The following PHKB variants were observed in gnomAD, a reference collection of about 807,000 sequenced individuals.
The protein encoded by PHKB is phosphorylase b kinase regulatory subunit beta.
Under a neutral mutation model 152.1 loss-of-function variants are expected in PHKB, and 122 were observed. The ratio of observed to expected loss-of-function variants is 0.80; its 90% confidence interval spans 0.69 to 0.93. The LOEUF is 0.93. PHKB is among the 40% of genes least tolerant of loss of function. PHKB has a pLI of 0.00. For synonymous variants in PHKB, 436 were observed against 464.9 expected, an observed-to-expected ratio of 0.94 and a Z score of 0.80; for missense variants, 1,304 against 1,328.4, an observed-to-expected ratio of 0.98 and a Z score of 0.29.
chr16:47,626,602 A>T (rs1972714283), intron 14 of PHKB, among the ~76,000 whole-genome samples: 1 of 152,196 alleles, frequency 6.6e-6, no homozygotes, highest in Non-Finnish European at 1.5e-5. Flanking sequence ...AAGATGCAGC[A>T]GTCTGACTTA....
intron 1 of PHKB, among the ~76,000 whole-genome samples, chr16:47,484,806 G>A (rs906086302): frequency 2.0e-5 from 3 of 152,142 alleles, no homozygotes; most frequent in African/African-American, 7.2e-5. Context: ...TAAGTAGTTA[G>A]GCATTCAAAT....
At chr16:47,463,509 T>C in intron 1 of PHKB, 1 of 178,382 alleles carries the variant, frequency 5.6e-6, no homozygotes, top group Non-Finnish European at 1.2e-5. Context: ...TCAACTTGAT[T>C]CTGTTTGTTA....
chr16:47,492,835 T>G (rs1970172894), intron 1 of PHKB, among the ~76,000 whole-genome samples: 1 of 152,234 alleles, frequency 6.6e-6, no homozygotes, highest in African/African-American at 2.4e-5. Flanking sequence ...TCACCCTTTC[T>G]TAAGCCCCAC....
chr16:47,612,401 T>G (rs1400545094), intron 14 of PHKB, among the ~76,000 whole-genome samples: 4 of 152,192 alleles, frequency 2.6e-5, no homozygotes, highest in African/African-American at 9.7e-5. Flanking sequence ...AAACAGTTGT[T>G]TCATGCTTGA....
chr16:47,588,979 G>C lies in PHKB; in HGVS notation c.945G>C (p.Gln315His). 1 of 1,613,922 alleles carries C rather than the reference G, an allele frequency of 6.2e-7. No homozygotes were observed. Among genetic ancestry groups the C allele is most frequent in the Non-Finnish European group, 8.5e-7 (1 of 1,179,854 alleles). ...TGGATGATGAAGTTCTTTTTAGCCA[G>C]ACACTTGATAAAGTGGTTAGAAAAT... ...FALDDEVLFS[Q>H]TLDKVVRKLK... Residue 315 changes from glutamine to histidine, a missense_variant, in exon 10 of 31, where the codon CAG becomes CAC. Coordinates refer to ENST00000323584, the MANE Select transcript of PHKB (RefSeq NM_000293.3).
At chr16:47,625,770 T>G (rs1972698406) in intron 14 of PHKB, among the ~76,000 whole-genome samples, 1 of 152,212 alleles carries the variant, frequency 6.6e-6, no homozygotes, top group Admixed American at 6.5e-5. Context: ...TTAGAGGACT[T>G]TATTGTCTTA....
At chr16:47,680,619 C>T (rs1265681741) in intron 26 of PHKB, among the ~76,000 whole-genome samples, 1 of 152,092 alleles carries the variant, frequency 6.6e-6, no homozygotes, top group Non-Finnish European at 1.5e-5. Context: ...GTGATATCCC[C>T]TTTGTCCTTT....
chr16:47,589,246 T>G, intron 10 of PHKB, 144 bp downstream of exon 10: 1 of 617,078 alleles, frequency 1.6e-6, no homozygotes, highest in Non-Finnish European at 2.8e-6. Flanking sequence ...TGTCTGTGTT[T>G]AATTTTTTCA....
chr16:47,629,830 A>G lies in PHKB; in HGVS notation c.1459-11205A>G, dbSNP rs1194798356. 3.0e-4 allele frequency among the ~76,000 whole-genome samples: 46 copies of G among 152,286 alleles called. 2 individuals carry two copies. The highest frequency in any genetic ancestry group is 1.3e-3 in the East Asian group (7 of 5,186). Reference sequence around the variant, plus strand: ...AAAATGTGGCACATATACACCATGGAATACTATGCAGCCATAAAAAATGAT... The same window carrying G: ...AAAATGTGGCACATATACACCATGGGATACTATGCAGCCATAAAAAATGAT... On this transcript the variant is annotated intron_variant, in intron 14 of 30. Transcript: ENST00000323584.
At position 47,610,900 on chromosome 16, in the gene PHKB, A is replaced by G; in HGVS notation, c.1438A>G (p.Ser480Gly). ...YVPLKDQRNV[S>G]MRFSNQGPLE... ...CCCACTAAAGGATCAACGTAACGTGAGCATGAGGTTTTCCAATCAGGTAAA... is the reference window on the plus strand; with the variant it reads ...CCCACTAAAGGATCAACGTAACGTGGGCATGAGGTTTTCCAATCAGGTAAA... The change falls in exon 14 of 31, where the codon AGC (serine) becomes GGC (glycine). Residue 480 changes from serine to glycine, a missense_variant. Ser to Gly is a moderately conservative substitution (Grantham distance 56). Coordinates refer to ENST00000323584, the MANE Select transcript of PHKB (RefSeq NM_000293.3). 1.3e-6 allele frequency: 2 copies of G among 1,589,498 alleles called. No homozygotes were observed. The highest frequency in any genetic ancestry group is 2.2e-5 in the East Asian group (1 of 44,742).
chr16:47,616,054 G>C (rs919574188), intron 14 of PHKB, among the ~76,000 whole-genome samples: 2 of 151,944 alleles, frequency 1.3e-5, no homozygotes, highest in Non-Finnish European at 2.9e-5. Context: ...TTATTGTATT[G>C]TAACAGTTCT....
intron 26 of PHKB, among the ~76,000 whole-genome samples, chr16:47,670,575 C>T (rs1051591216): frequency 9.9e-5 from 15 of 152,038 alleles, no homozygotes; most frequent in Middle Eastern, 3.2e-3. Context: ...CTGCAACTGC[C>T]GCCTCCCAGG....
rs113655560 is a variant in PHKB, at chr16:47,611,773, G to T, written c.1458+853G>T. Among the ~76,000 whole-genome samples the T allele has an allele frequency of 5.5e-4, 83 of 152,242 alleles. 2 individuals carry two copies. Among genetic ancestry groups the T allele is most frequent in the African/African-American group, 1.9e-3 (77 of 41,558 alleles). ...ATTGCACTGTTTCTCTGACTCTTTT[G>T]CTGGTCTTCAACAAAACATGTAATG... On this transcript the variant is annotated intron_variant, in intron 14 of 30. Coordinates refer to ENST00000323584, the MANE Select transcript of PHKB (RefSeq NM_000293.3).
intron 26 of PHKB, among the ~76,000 whole-genome samples, chr16:47,686,337 AG>A (rs1353128748): frequency 6.6e-6 from 1 of 152,232 alleles, no homozygotes; most frequent in Non-Finnish European, 1.5e-5. Flanking sequence ...TTATTTTAGA[AG>A]ATACCTCCTG....
At chr16:47,661,913 A>G in intron 23 of PHKB, 113 bp downstream of exon 23, 1 of 777,348 alleles carries the variant, frequency 1.3e-6, no homozygotes, top group Non-Finnish European at 2.3e-6. Flanking sequence ...CCCTTTCATT[A>G]AACCTTCTTT....
intron 20 of PHKB, among the ~76,000 whole-genome samples, chr16:47,655,546 G>A (rs1340660299): frequency 6.6e-6 from 1 of 152,144 alleles, no homozygotes; most frequent in Non-Finnish European, 1.5e-5. Context: ...GCAAAGTGTG[G>A]TGATTTTCTC....
At chr16:47,477,647 C>T (rs930772318) in intron 1 of PHKB, among the ~76,000 whole-genome samples, 3 of 152,104 alleles carry the variant, frequency 2.0e-5, no homozygotes, top group Non-Finnish European at 2.9e-5. Context: ...AGCTTTATGA[C>T]GTGGTGAGGG....
intron 9 of PHKB, 41 bp from the exon 10 acceptor site, chr16:47,588,864 C>A: frequency 6.6e-7 from 1 of 1,523,624 alleles, no homozygotes; most frequent in Non-Finnish European, 9.1e-7. Context: ...TTGATCACAT[C>A]GCTGTGGACA....
chr16:47,641,869 A>T (rs1364374290), intron 16 of PHKB, among the ~76,000 whole-genome samples, 177 bp downstream of exon 16: 1 of 152,136 alleles, frequency 6.6e-6, no homozygotes, highest in Non-Finnish European at 1.5e-5. Flanking sequence ...ACTAAAAAAA[A>T]AACTTTGCAC....
Sources: allele counts gnomAD v4.1 joint callset (sites outside exome capture counted in the v4.1 genomes callset), GRCh38; gene constraint gnomAD v4.1.1; transcripts MANE v1.5; gene names NCBI Gene and HGNC (gene_info 2026-07-23, HGNC 2026-07-21).